The following KDM4C variants were observed in gnomAD, a reference collection of about 807,000 sequenced individuals.
KDM4C encodes the protein lysine demethylase 4C.
A neutral mutation model predicts 129.3 loss-of-function variants in KDM4C; 81 were observed. The ratio of observed to expected loss-of-function variants is 0.63; its 90% confidence interval spans 0.52 to 0.75. The LOEUF is 0.75. Ranked by LOEUF, KDM4C falls within the 30% of genes least tolerant of loss-of-function variation. The pLI, the probability that KDM4C is intolerant of heterozygous loss-of-function variation, is 0.00. For missense variants in KDM4C, 1,457 were observed against 1,304.0 expected, an observed-to-expected ratio of 1.12 and a Z score of -1.81; for synonymous variants, 573 against 456.1, an observed-to-expected ratio of 1.26 and a Z score of -3.26.
intron 18 of KDM4C, among the ~76,000 whole-genome samples, chr9:7,110,649 T>C (rs1838220745): frequency 6.6e-6 from 1 of 152,192 alleles, no homozygotes; most frequent in Admixed American, 6.5e-5. Flanking sequence ...GGCCTCTGCT[T>C]TTCTGGTCTC....
intron 8 of KDM4C, among the ~76,000 whole-genome samples, chr9:6,967,778 C>T (rs1161791622): frequency 6.6e-6 from 1 of 152,158 alleles, no homozygotes; most frequent in East Asian, 1.9e-4. Flanking sequence ...GGATGATACA[C>T]ATTATTAGTA....
chr9:7,144,905 T>A (rs1842080202), intron 19 of KDM4C, among the ~76,000 whole-genome samples: 1 of 152,258 alleles, frequency 6.6e-6, no homozygotes, highest in Non-Finnish European at 1.5e-5. Flanking sequence ...GGCACCGTGA[T>A]GTCTTTGCAG....
chr9:7,029,293 G>GT (rs59185392), intron 15 of KDM4C, among the ~76,000 whole-genome samples: 373 of 141,612 alleles, frequency 2.6e-3, no homozygotes, highest in Middle Eastern at 0.012. Context: ...TCCCCCCACC[G>GT]TTTTTTTTTT....
chr9:6,765,944 G>A (rs1563955949), intron 1 of KDM4C, among the ~76,000 whole-genome samples: 1 of 151,868 alleles, frequency 6.6e-6, no homozygotes, highest in Non-Finnish European at 1.5e-5. Context: ...GTGTGCCACC[G>A]CACCAGGCTA....
At chr9:6,754,235 G>A (rs1404488070), upstream of KDM4C, among the ~76,000 whole-genome samples, 3 of 150,230 alleles carry the variant, frequency 2.0e-5, no homozygotes, top group East Asian at 5.9e-4. Flanking sequence ...TTTCTGAGAT[G>A]GAGTTTTGCT....
At chr9:7,040,954 T>G (rs1828494169) in intron 15 of KDM4C, among the ~76,000 whole-genome samples, 1 of 151,978 alleles carries the variant, frequency 6.6e-6, no homozygotes, top group Non-Finnish European at 1.5e-5. Flanking sequence ...TCTGTCAATA[T>G]CTCTTCCAAT....
intron 19 of KDM4C, among the ~76,000 whole-genome samples, chr9:7,130,925 A>T (rs1587794710): frequency 1.4e-5 from 2 of 142,588 alleles, no homozygotes; most frequent in African/African-American, 2.6e-5. Context: ...TGCCTGGCTA[A>T]TTTTTTTTTT....
chr9:7,133,796 C>T (rs1840899045), intron 19 of KDM4C, among the ~76,000 whole-genome samples: 1 of 152,148 alleles, frequency 6.6e-6, no homozygotes, highest in African/African-American at 2.4e-5. Flanking sequence ...CTGGGTATTC[C>T]AGAGGCAAAA....
chr9:7,103,791 C>T lies in KDM4C; in HGVS notation c.2531C>T (p.Ala844Val). 1 of 1,613,982 alleles carries T rather than the reference C, an allele frequency of 6.2e-7. No homozygotes were observed. Among genetic ancestry groups the T allele is most frequent in the African/African-American group, 1.3e-5 (1 of 75,010 alleles). ...ASFHVTCAHA[A>V]GVLMEPDDWP... ...TTCCATGTCACTTGTGCCCATGCTG[C>T]TGGGGTACTGATGGAGCCTGATGAC... Residue 844 changes from alanine (A) to valine (V), a missense_variant, in exon 18 of 22, where the codon GCT becomes GTT. By Grantham distance (64) the Ala-to-Val change is moderately conservative. Transcript: ENST00000381309.
intron 2 of KDM4C, among the ~76,000 whole-genome samples, chr9:6,799,254 C>G (rs1038322634): frequency 7.2e-5 from 11 of 152,218 alleles, no homozygotes; most frequent in East Asian, 1.9e-4. Context: ...GATCACGCCA[C>G]TGCACTCCAG....
intron 5 of KDM4C, among the ~76,000 whole-genome samples, chr9:6,853,548 T>C (rs766848098): frequency 1.1e-4 from 16 of 152,156 alleles, no homozygotes; most frequent in Admixed American, 2.6e-4. Flanking sequence ...TTAAGAATAC[T>C]AAGTTTCCTG....
intron 21 of KDM4C, among the ~76,000 whole-genome samples, chr9:7,172,111 T>C (rs1475483002): frequency 6.6e-6 from 1 of 152,204 alleles, no homozygotes; most frequent in African/African-American, 2.4e-5. Context: ...CAAATCTAAT[T>C]GGAAAACTCA....
At position 6,751,082 on chromosome 9, in the gene KDM4C, T is replaced by C. The variant is rs190683080; in HGVS notation, c.49+30085T>C. ...GAGAGTGAAAGCAGAAGCTGCAATG[T>C]ATCTAATGTCTAGCTTTGGAAGTCA... On this transcript the variant is annotated intron_variant, in intron 1 of 17. Transcript: ENST00000536108. Among the ~76,000 whole-genome samples the C allele has an allele frequency of 2.0e-5, 3 of 152,350 alleles. No homozygotes were observed. The East Asian group carries it at 5.8e-4, about 29-fold the overall frequency.
At chr9:6,788,022 G>C (rs1211434549) in intron 1 of KDM4C, among the ~76,000 whole-genome samples, 1 of 152,176 alleles carries the variant, frequency 6.6e-6, no homozygotes, top group African/African-American at 2.4e-5. Flanking sequence ...GTTCCTTGAA[G>C]AGTCCGATAG....
intron 5 of KDM4C, among the ~76,000 whole-genome samples, chr9:6,871,070 C>T (rs571344305): frequency 5.9e-5 from 9 of 152,304 alleles, no homozygotes; most frequent in African/African-American, 2.2e-4. Flanking sequence ...TTCCTAAACA[C>T]ACAGCCCCAG....
intron 5 of KDM4C, among the ~76,000 whole-genome samples, chr9:6,856,238 TAGC>T (rs1355715333): frequency 6.6e-6 from 1 of 151,968 alleles, no homozygotes; most frequent in Non-Finnish European, 1.5e-5. Flanking sequence ...TCCATTGAAT[TAGC>T]AGCCCATGGT....
chr9:6,909,713 T>G (rs1339512250), intron 8 of KDM4C, among the ~76,000 whole-genome samples: 6 of 152,188 alleles, frequency 3.9e-5, no homozygotes, highest in African/African-American at 1.2e-4. Flanking sequence ...TATTTTGAAG[T>G]CTTTAGTATT....
At chr9:6,965,853 G>C (rs922234013) in intron 8 of KDM4C, among the ~76,000 whole-genome samples, 2 of 152,136 alleles carry the variant, frequency 1.3e-5, no homozygotes, top group Non-Finnish European at 2.9e-5. Context: ...CACCCTTACA[G>C]AAACACTCAG....
intron 2 of KDM4C, among the ~76,000 whole-genome samples, chr9:6,803,133 A>C (rs1829318135): frequency 6.6e-6 from 1 of 152,158 alleles, no homozygotes; most frequent in South Asian, 2.1e-4. Context: ...GGGCGCTTGG[A>C]GGGCCTGTAT....
Sources: gnomAD v4.1 joint callset for allele counts (sites outside exome capture counted in the v4.1 genomes callset) on GRCh38, gnomAD v4.1.1 for gene constraint, MANE v1.5 for transcripts, NCBI Gene and HGNC (gene_info 2026-07-23, HGNC 2026-07-21) for gene names.